Variants in ARHGAP24 observed in about 807,000 individuals in gnomAD.
ARHGAP24 encodes rho GTPase-activating protein 24.
ARHGAP24 carries 50 observed loss-of-function variants against 76.4 expected under a neutral mutation model. The ratio of observed to expected loss-of-function variants is 0.65; its 90% CI spans 0.52 to 0.83. ARHGAP24 has a LOEUF of 0.83. Among genes scored for constraint, ARHGAP24 ranks in the 40% least tolerant of loss-of-function variants. The probability of loss-of-function intolerance (pLI) is 0.00; values close to 1 mark genes in which losing one functional copy is unlikely to be tolerated. For synonymous variants in ARHGAP24, 345 were observed against 323.3 expected (o/e 1.07, Z -0.72); for missense variants, 930 against 914.2 (o/e 1.02, Z -0.22).
intron 8 of ARHGAP24, among the ~76,000 whole-genome samples, chr4:85,985,615 C>A (rs778755728): frequency 1.3e-5 from 2 of 152,132 alleles, no homozygotes; most frequent in Non-Finnish European, 2.9e-5. Flanking sequence ...TGCAGTTATA[C>A]CCCTGAATTA....
intron 2 of ARHGAP24, among the ~76,000 whole-genome samples, chr4:85,669,020 C>G (rs1000347846): frequency 1.3e-5 from 2 of 151,976 alleles, no homozygotes; most frequent in African/African-American, 4.8e-5. Flanking sequence ...CATTATGTGC[C>G]TTTGTGTGTG....
At chr4:85,588,924 T>C (rs1727974051) in intron 2 of ARHGAP24, among the ~76,000 whole-genome samples, 1 of 152,196 alleles carries the variant, frequency 6.6e-6, no homozygotes, top group African/African-American at 2.4e-5. Flanking sequence ...TGAACTGACT[T>C]GAAATGGAGA....
At chr4:85,696,756 C>A (rs1171732141) in intron 2 of ARHGAP24, among the ~76,000 whole-genome samples, 1 of 152,166 alleles carries the variant, frequency 6.6e-6, no homozygotes, top group African/African-American at 2.4e-5. Context: ...AAATCATGTT[C>A]ATAGCTAAAT....
intron 1 of ARHGAP24, among the ~76,000 whole-genome samples, chr4:85,547,723 A>T (rs1725974325): frequency 6.6e-6 from 1 of 152,204 alleles, no homozygotes; most frequent in South Asian, 2.1e-4. Flanking sequence ...GGCTTGAGCC[A>T]CTGTGCCTGG....
intron 1 of ARHGAP24, among the ~76,000 whole-genome samples, chr4:85,529,037 C>T (rs1725141326): frequency 6.6e-6 from 1 of 151,998 alleles, no homozygotes; most frequent in Non-Finnish European, 1.5e-5. Flanking sequence ...TACTCCTGAG[C>T]TGATCATGTT....
chr4:85,812,051 C>A (rs762759391), intron 3 of ARHGAP24, among the ~76,000 whole-genome samples: 1 of 152,058 alleles, frequency 6.6e-6, no homozygotes, highest in Non-Finnish European at 1.5e-5. Context: ...TGGTGCACAC[C>A]TGTAGTCCCA....
At chr4:85,973,833 G>GTTTT (rs1199796194) in intron 6 of ARHGAP24, among the ~76,000 whole-genome samples, 1,433 of 42,694 alleles carry the variant, frequency 0.034, 461 homozygotes, top group African/African-American at 0.13. Context: ...GCTGCCTATT[G>GTTTT]TTTTTTTTTT....
At chr4:85,524,949 CT>C (rs1724922575) in intron 1 of ARHGAP24, among the ~76,000 whole-genome samples, 1 of 152,136 alleles carries the variant, frequency 6.6e-6, no homozygotes, top group East Asian at 1.9e-4. Flanking sequence ...TAGGAGATGG[CT>C]TATGGATTGC....
intron 1 of ARHGAP24, among the ~76,000 whole-genome samples, chr4:85,555,962 C>T (rs1285673761): frequency 6.6e-6 from 1 of 152,134 alleles, no homozygotes; most frequent in East Asian, 1.9e-4. Context: ...TGCTCCTTTT[C>T]CAGTCTGAGG....
At chr4:85,761,309 C>T (rs1239365783) in intron 3 of ARHGAP24, among the ~76,000 whole-genome samples, 1 of 152,170 alleles carries the variant, frequency 6.6e-6, no homozygotes. Context: ...GTTCTCCAGG[C>T]CTTGCGATGG....
In ARHGAP24 at chr4:85,722,582, G is replaced by A. The variant is rs972829308; in HGVS notation, c.268+610G>A. On this transcript the variant is annotated intron_variant, in intron 3 of 9. Transcript: ENST00000395184. The stretch of plus-strand genomic sequence containing the variant: ...AGTTAAACTTTTGAAACATCCTTTC[G>A]TTTTTCCTAGTCATCTGTATTCATT... 3.8e-5 allele frequency: 6 copies of A among 156,382 alleles called. No homozygotes were observed. The South Asian group carries it at 5.9e-4, about 15-fold the overall frequency. The allele number at this position is 156,382 out of a possible 1,614,324, so 9.7% of individuals were successfully genotyped here.
chr4:85,763,011 A>G (rs1366431412), intron 3 of ARHGAP24, among the ~76,000 whole-genome samples: 1 of 152,232 alleles, frequency 6.6e-6, no homozygotes, highest in Non-Finnish European at 1.5e-5. Context: ...TCCTATTATT[A>G]TCTAAAATGA....
rs563171212 is a variant in ARHGAP24, at chr4:85,930,833, A to T, written c.391+7063A>T. 130 of 1,585,576 alleles carry T rather than the reference A, an allele frequency of 8.2e-5. 1 individual carries two copies. The South Asian group carries it at 1.4e-3, about 18-fold the overall frequency. On this transcript the variant is annotated intron_variant, in intron 4 of 9. Coordinates refer to ENST00000395184, the MANE Select transcript of ARHGAP24 (RefSeq NM_001025616.3). ...AATTCTAGGGATCAGCACTTCAAAA[A>T]TAACAAGTAAACAAGCATGAGGAGT...
intron 2 of ARHGAP24, among the ~76,000 whole-genome samples, chr4:85,611,651 C>A (rs1022176203): frequency 6.6e-6 from 1 of 152,186 alleles, no homozygotes; most frequent in South Asian, 2.1e-4. Context: ...TCCATGAACC[C>A]GATCCCTTCC....
At chr4:85,523,663 C>T (rs1426674985) in intron 1 of ARHGAP24, among the ~76,000 whole-genome samples, 1 of 152,044 alleles carries the variant, frequency 6.6e-6, no homozygotes, top group East Asian at 1.9e-4. Context: ...GCTCTGTAGC[C>T]ATTGCATGTT....
In ARHGAP24 at chr4:85,584,035, G is replaced by A. The variant is rs1202630897; in HGVS notation, c.180+13314G>A. On this transcript the variant is annotated intron_variant, in intron 2 of 9. Coordinates refer to ENST00000395184, the MANE Select transcript of ARHGAP24 (RefSeq NM_001025616.3). ...CAACCATTGTGGAAGTCAGTGTGGC[G>A]ATTCCTCAGGGATCTAGAACTAGAA... Among the ~76,000 whole-genome samples the A allele has an allele frequency of 1.1e-4, 16 of 149,036 alleles. 1 individual carries two copies. Among genetic ancestry groups the A allele is most frequent in the Non-Finnish European group, 4.4e-5 (3 of 67,974 alleles).
At chr4:85,987,264 A>T (rs2148864877) in intron 8 of ARHGAP24, among the ~76,000 whole-genome samples, 1 of 152,224 alleles carries the variant, frequency 6.6e-6, no homozygotes, top group Admixed American at 6.5e-5. Flanking sequence ...TACACCTGAA[A>T]CTGCTCTAAA....
intron 3 of ARHGAP24, among the ~76,000 whole-genome samples, chr4:85,820,758 G>A (rs1384034861): frequency 1.3e-5 from 2 of 152,122 alleles, no homozygotes; most frequent in African/African-American, 2.4e-5. Context: ...GAGACCAAGA[G>A]TAGACTTTTT....
chr4:85,533,048 C>T (rs546758936), intron 1 of ARHGAP24, among the ~76,000 whole-genome samples: 2 of 152,230 alleles, frequency 1.3e-5, no homozygotes, highest in East Asian at 1.9e-4. Flanking sequence ...TTACTTTCAA[C>T]GTATGAGAGG....
Sources: gnomAD v4.1 joint callset for allele counts (sites outside exome capture counted in the v4.1 genomes callset) on GRCh38, gnomAD v4.1.1 for gene constraint, MANE v1.5 for transcripts, NCBI Gene and HGNC (gene_info 2026-07-23, HGNC 2026-07-21) for gene names.